The following CDC42BPA variants were observed in gnomAD, a reference collection of about 807,000 sequenced individuals.
CDC42BPA encodes serine/threonine-protein kinase MRCK alpha.
CDC42BPA carries 80 observed loss-of-function variants against 223.5 expected under a neutral mutation model. The ratio of observed to expected loss-of-function variants is 0.36; its 90% CI spans 0.30 to 0.43. The LOEUF is 0.43. Among genes scored for constraint, CDC42BPA ranks in the 20% least tolerant of loss-of-function variants. CDC42BPA has a pLI of 1.00. For synonymous variants in CDC42BPA, 694 were observed against 718.6 expected (o/e 0.97, Z 0.55); for missense variants, 1,743 against 2,099.9 (o/e 0.83, Z 3.32).
At position 227,030,272 on chromosome 1, in the gene CDC42BPA, G is replaced by A. The variant is rs137879544; in HGVS notation, c.3838+136C>T. The A allele has an allele frequency of 4.0e-4, 241 of 604,304 alleles. 2 individuals carry two copies. The East Asian group carries it at 7.4e-3, about 19-fold the overall frequency. The allele number at this position is 604,304 out of a possible 1,614,324, so 37.4% of individuals were successfully genotyped here. On this transcript the variant is annotated intron_variant, in intron 29 of 36. Coordinates refer to ENST00000366766, the MANE Select transcript of CDC42BPA (RefSeq NM_001394014.1). ...AAAAATAATCTTTTAATTTATAAAC[G>A]TCAAATTAGGTCTGGAAAATTTTAG...
At chr1:227,111,314 T>C (rs1275117673) in intron 14 of CDC42BPA, among the ~76,000 whole-genome samples, 1 of 152,156 alleles carries the variant, frequency 6.6e-6, no homozygotes, top group African/African-American at 2.4e-5. Context: ...TATTACTTAG[T>C]ATGGTAAAAA....
At chr1:227,239,627 CAACT>C (rs1390673170) in intron 2 of CDC42BPA, among the ~76,000 whole-genome samples, 3 of 151,998 alleles carry the variant, frequency 2.0e-5, no homozygotes, top group Non-Finnish European at 2.9e-5. Flanking sequence ...TCCACTATGT[CAACT>C]AACTGAAAGA....
intron 3 of CDC42BPA, among the ~76,000 whole-genome samples, chr1:227,205,342 A>G (rs1202277860): frequency 6.6e-6 from 1 of 151,010 alleles, no homozygotes; most frequent in East Asian, 1.9e-4. Context: ...AGTATAATGA[A>G]GCTATTAACA....
chr1:227,048,415 C>A (rs969186566), intron 22 of CDC42BPA, among the ~76,000 whole-genome samples: 7 of 151,852 alleles, frequency 4.6e-5, no homozygotes, highest in Non-Finnish European at 1.0e-4. Flanking sequence ...ATTCTTTTAA[C>A]TACTCAACTT....
chr1:227,163,488 T>A (rs1053963873), intron 5 of CDC42BPA, among the ~76,000 whole-genome samples: 2 of 123,358 alleles, frequency 1.6e-5, no homozygotes, highest in African/African-American at 6.4e-5. Context: ...TGTGCTAGCA[T>A]GATTACGAAT....
chr1:227,163,608 T>C (rs560377272), intron 5 of CDC42BPA, among the ~76,000 whole-genome samples: 23 of 152,180 alleles, frequency 1.5e-4, no homozygotes, highest in African/African-American at 5.5e-4. Flanking sequence ...GTGTGTGCAC[T>C]GTTTTTTGTT....
At chr1:227,124,866 A>T (rs943076486) in intron 11 of CDC42BPA, among the ~76,000 whole-genome samples, 1 of 152,160 alleles carries the variant, frequency 6.6e-6, no homozygotes, top group African/African-American at 2.4e-5. Context: ...AGGAATAGAT[A>T]TATTTCCCAT....
At chr1:227,240,407 T>C (rs925674118) in intron 2 of CDC42BPA, among the ~76,000 whole-genome samples, 5 of 152,014 alleles carry the variant, frequency 3.3e-5, no homozygotes, top group Admixed American at 3.3e-4. Context: ...TTTATAAAAA[T>C]TGATATATTG....
rs1483 is a variant in CDC42BPA at position 227,177,940 on chromosome 1, A to T, written c.599+15846T>A. Among the ~76,000 whole-genome samples the T allele has an allele frequency of 4.0e-5, 6 of 151,550 alleles. No individual in the cohort carries two copies. In the East Asian group the frequency reaches 7.8e-4, roughly 20 times the overall value. On this transcript the variant is annotated intron_variant, in intron 5 of 36. Coordinates refer to ENST00000366766, the MANE Select transcript of CDC42BPA (RefSeq NM_001394014.1). ...TCCTTTGTCCTCTCAAAGACATTTA[A>T]TTTTTTTTTCCAATACTGTATTTTT...
At chr1:227,145,887 A>C in intron 7 of CDC42BPA, 150 bp from the exon 8 acceptor site, 1 of 578,832 alleles carries the variant, frequency 1.7e-6, no homozygotes, top group South Asian at 3.0e-5. Context: ...AAAGGAATAC[A>C]GGGATGAATG....
chr1:227,186,753 G>C (rs970892228), intron 5 of CDC42BPA, among the ~76,000 whole-genome samples: 1 of 152,160 alleles, frequency 6.6e-6, no homozygotes, highest in Admixed American at 6.5e-5. Context: ...TCTGAGCTAT[G>C]TGAGGCATGC....
At chr1:227,204,339 T>G (rs975370732) in intron 3 of CDC42BPA, among the ~76,000 whole-genome samples, 1 of 152,158 alleles carries the variant, frequency 6.6e-6, no homozygotes, top group African/African-American at 2.4e-5. Context: ...TAGAAATAAT[T>G]TGGTAACATC....
At chr1:227,268,625 T>G (rs535086395) in intron 1 of CDC42BPA, among the ~76,000 whole-genome samples, 11 of 132,958 alleles carry the variant, frequency 8.3e-5, no homozygotes, top group Non-Finnish European at 1.6e-4. Context: ...TGTATATATA[T>G]AGTATGTGTA....
intron 2 of CDC42BPA, among the ~76,000 whole-genome samples, chr1:227,252,703 G>A (rs1682234764): frequency 6.6e-6 from 1 of 152,110 alleles, no homozygotes; most frequent in Non-Finnish European, 1.5e-5. Flanking sequence ...AGTCAGTTGG[G>A]CTTATTTTAG....
rs139357772 is a variant in CDC42BPA, at chr1:227,152,949, C to T, written c.694-5390G>A. ...AATATCAATTAAATATATCCTCATG[C>T]CAAAATCATTGTGAGATTTTTTAAA... On this transcript the variant is annotated intron_variant, in intron 6 of 36. Transcript: ENST00000366766. Among the ~76,000 whole-genome samples the T allele has an allele frequency of 2.9e-4, 44 of 151,732 alleles. 1 individual carries two copies. The highest frequency in any genetic ancestry group is 9.9e-4 in the African/African-American group (41 of 41,436).
chr1:227,211,976 T>C (rs1673997225), intron 3 of CDC42BPA, among the ~76,000 whole-genome samples: 1 of 152,130 alleles, frequency 6.6e-6, no homozygotes, highest in Non-Finnish European at 1.5e-5. Flanking sequence ...CTCTGGGAGT[T>C]AGAGAAAGGA....
intron 6 of CDC42BPA, among the ~76,000 whole-genome samples, chr1:227,157,636 G>A (rs867090083): frequency 6.6e-6 from 1 of 152,092 alleles, no homozygotes; most frequent in Non-Finnish European, 1.5e-5. Flanking sequence ...TGGGAAGGTT[G>A]AGCCATTACG....
At chr1:227,280,476 G>A (rs774397136) in intron 1 of CDC42BPA, among the ~76,000 whole-genome samples, 2 of 152,160 alleles carry the variant, frequency 1.3e-5, no homozygotes, top group Admixed American at 6.5e-5. Context: ...GGAGTGGAAA[G>A]AAAATCCACA....
chr1:227,032,422 A>G (rs1669449086), intron 27 of CDC42BPA, among the ~76,000 whole-genome samples: 2 of 152,166 alleles, frequency 1.3e-5, no homozygotes, highest in South Asian at 2.1e-4. Context: ...GGAGATAGGC[A>G]TAACAATTGG....
Sources: allele counts gnomAD v4.1 joint callset (sites outside exome capture counted in the v4.1 genomes callset), GRCh38; gene constraint gnomAD v4.1.1; transcripts MANE v1.5; gene names NCBI Gene and HGNC (gene_info 2026-07-23, HGNC 2026-07-21).